ULK4: variants seen among roughly 807,000 people sequenced by gnomAD.
ULK4 encodes inactive serine/threonine-protein kinase ULK4.
A neutral mutation model predicts 160.6 loss-of-function variants in ULK4; 133 were observed. The ratio of observed to expected loss-of-function variants is 0.83; its 90% confidence interval spans 0.72 to 0.96. The LOEUF is 0.96. Ranked by LOEUF, ULK4 falls within the 40% of genes least tolerant of loss-of-function variation. The pLI, the probability that ULK4 is intolerant of heterozygous loss-of-function variation, is 0.00. For missense variants in ULK4, 1,580 were observed against 1,499.5 expected, an observed-to-expected ratio of 1.05 and a Z score of -0.89; for synonymous variants, 534 against 539.8, an observed-to-expected ratio of 0.99 and a Z score of 0.15.
intron 32 of ULK4, among the ~76,000 whole-genome samples, chr3:41,557,848 C>T (rs1393481047): frequency 4.0e-5 from 6 of 151,532 alleles, no homozygotes; most frequent in African/African-American, 1.5e-4. Flanking sequence ...CTATTGAATG[C>T]AAAAAAAGAT....
intron 35 of ULK4, among the ~76,000 whole-genome samples, chr3:41,314,024 C>A (rs887969145): frequency 1.3e-5 from 2 of 152,108 alleles, no homozygotes; most frequent in Non-Finnish European, 2.9e-5. Context: ...AAGCAAGCGT[C>A]GACTGCCACC....
At chr3:41,547,460 T>C (rs2086902665) in intron 32 of ULK4, among the ~76,000 whole-genome samples, 1 of 152,212 alleles carries the variant, frequency 6.6e-6, no homozygotes, top group South Asian at 2.1e-4. Context: ...CTCTCCAGTA[T>C]AGGGAAAGGA....
chr3:41,949,432 A>AT (rs368229748), intron 2 of ULK4, among the ~76,000 whole-genome samples: 94,127 of 141,538 alleles, frequency 0.67, 34,194 homozygotes, highest in East Asian at 0.82. Flanking sequence ...GATTAGCGGA[A>AT]TTTTTTTTTT....
rs73828240 is a variant in ULK4 at position 41,734,240 on chromosome 3, T to A, written c.2322-16379A>T. On this transcript the variant is annotated intron_variant, in intron 22 of 36. Transcript: ENST00000301831. Reference sequence around the variant, plus strand: ...TTTTGGAGGAAGAGTCAATATGACTTGTTTATTAATTGAATGAATAAGAAA... The same window carrying A: ...TTTTGGAGGAAGAGTCAATATGACTAGTTTATTAATTGAATGAATAAGAAA... Among the ~76,000 whole-genome samples the A allele has an allele frequency of 4.3e-3, 659 of 152,214 alleles. 5 individuals are homozygous for A. Among genetic ancestry groups the A allele is most frequent in the African/African-American group, 0.015 (620 of 41,528 alleles).
intron 1 of ULK4, chr3:41,955,609 C>CAACTCCA (rs1700456480): frequency 6.4e-6 from 1 of 156,398 alleles, no homozygotes; most frequent in Non-Finnish European, 1.4e-5. Context: ...TCCCTACGAG[C>CAACTCCA]TGGCGCGCCA....
rs1699615279 is a variant in ULK4 at position 41,931,864 on chromosome 3, C to CTTT, written c.518_520dup (p.Lys173dup). The CTTT allele has an allele frequency of 1.2e-6, 2 of 1,614,030 alleles. No homozygotes were observed. The highest frequency in any genetic ancestry group is 1.7e-6 in the Non-Finnish European group (2 of 1,179,976). ...CATACCTTTGACTCTACTTTTCATG[C>CTTT]TTTTCTTCAGGACATTTTCCCCATT... On this transcript the variant is annotated inframe_insertion, in exon 5 of 37. Transcript: ENST00000301831.
rs144103164 is a variant in ULK4 at position 41,603,698 on chromosome 3, G to A, written c.3120+11971C>T. Among the ~76,000 whole-genome samples the A allele has an allele frequency of 2.6e-5, 4 of 152,108 alleles. No individual in the cohort carries two copies. The East Asian group carries it at 7.7e-4, about 29-fold the overall frequency. ...TTTCTGGTATAGATATTGTACTATA[G>A]TTTATAAAATATAACCACTGGAAGA... On this transcript the variant is annotated intron_variant, in intron 31 of 36. Coordinates refer to ENST00000301831, the MANE Select transcript of ULK4 (RefSeq NM_017886.4).
At chr3:41,462,201 T>A (rs769820435) in intron 33 of ULK4, among the ~76,000 whole-genome samples, 1 of 152,214 alleles carries the variant, frequency 6.6e-6, no homozygotes, top group Non-Finnish European at 1.5e-5. Flanking sequence ...TAATGATGAA[T>A]AACAGAGGCT....
intron 16 of ULK4, among the ~76,000 whole-genome samples, chr3:41,894,043 T>C (rs1177270095): frequency 5.3e-5 from 8 of 152,160 alleles, no homozygotes; most frequent in African/African-American, 1.9e-4. Flanking sequence ...ACAATCAAAC[T>C]TCAATTTTTA....
At chr3:41,721,278 T>TTTTTTTTTTTG (rs2037447896) in intron 22 of ULK4, among the ~76,000 whole-genome samples, 1 of 100,072 alleles carries the variant, frequency 1.0e-5, no homozygotes, top group South Asian at 3.3e-4. Flanking sequence ...TTTTTTTTTT[T>TTTTTTTTTTTG]TTTTTTGGGT....
intron 21 of ULK4, among the ~76,000 whole-genome samples, chr3:41,765,505 A>G (rs905065786): frequency 1.3e-5 from 2 of 152,186 alleles, no homozygotes; most frequent in Non-Finnish European, 2.9e-5. Flanking sequence ...ATGTATACAT[A>G]TGTAACAAAC....
intron 31 of ULK4, among the ~76,000 whole-genome samples, chr3:41,598,071 C>CT (rs2031810607): frequency 6.6e-6 from 1 of 152,192 alleles, no homozygotes; most frequent in South Asian, 2.1e-4. Context: ...TCTAAGGCCC[C>CT]TTGGGGGTGA....
At chr3:41,904,246 A>G (rs1187506446) in intron 12 of ULK4, among the ~76,000 whole-genome samples, 1 of 152,116 alleles carries the variant, frequency 6.6e-6, no homozygotes, top group Admixed American at 6.6e-5. Context: ...CAGCCTGGGC[A>G]ACATGGGGAA....
intron 21 of ULK4, among the ~76,000 whole-genome samples, chr3:41,757,218 T>C (rs1323352621): frequency 6.6e-6 from 1 of 152,102 alleles, no homozygotes; most frequent in Non-Finnish European, 1.5e-5. Flanking sequence ...TAACCAAGGA[T>C]AATTTAAGGT....
At chr3:41,677,135 T>C (rs2035749164) in intron 29 of ULK4, among the ~76,000 whole-genome samples, 2 of 151,744 alleles carry the variant, frequency 1.3e-5, no homozygotes, top group African/African-American at 2.4e-5. Flanking sequence ...TCTCAAACTC[T>C]TGGTCTCCTG....
At chr3:41,264,690 T>G (rs565248714) in intron 35 of ULK4, among the ~76,000 whole-genome samples, 9 of 152,356 alleles carry the variant, frequency 5.9e-5, no homozygotes, top group South Asian at 4.1e-4. Context: ...TTACATATTC[T>G]CTGATTTGGA....
intron 31 of ULK4, among the ~76,000 whole-genome samples, chr3:41,596,391 T>C (rs1462152281): frequency 3.3e-5 from 5 of 152,144 alleles, no homozygotes; most frequent in Non-Finnish European, 5.9e-5. Context: ...TTGGACTTAA[T>C]AAAAGCTGTT....
chr3:41,368,812 A>G (rs2081304212), intron 35 of ULK4, among the ~76,000 whole-genome samples: 1 of 152,190 alleles, frequency 6.6e-6, no homozygotes, highest in South Asian at 2.1e-4. Flanking sequence ...AGTTGTCCCT[A>G]CTTTTTGGCT....
At chr3:41,644,676 C>A (rs9683347) in intron 30 of ULK4, among the ~76,000 whole-genome samples, 110,998 of 137,682 alleles carry the variant, frequency 0.81, 44,759 homozygotes, top group East Asian at 0.99. Flanking sequence ...TGTCTCTGCC[C>A]GGCTTTGGTA....
Sources: gnomAD v4.1 joint callset for allele counts (sites outside exome capture counted in the v4.1 genomes callset) on GRCh38, gnomAD v4.1.1 for gene constraint, MANE v1.5 for transcripts, NCBI Gene and HGNC (gene_info 2026-07-23, HGNC 2026-07-21) for gene names.